LARP1B: variants seen among roughly 807,000 people sequenced by gnomAD.
LARP1B encodes the protein la-related protein 1B.
LARP1B carries 76 observed loss-of-function variants against 114.2 expected under a neutral mutation model. The ratio of observed to expected loss-of-function variants is 0.67; its 90% CI spans 0.55 to 0.81. The LOEUF (loss-of-function observed/expected upper bound fraction) is 0.81. Among genes scored for constraint, LARP1B ranks in the 30% least tolerant of loss-of-function variants. The pLI is 0.00. For synonymous variants in LARP1B, 345 were observed against 348.0 expected, an observed-to-expected ratio of 0.99 and a Z score of 0.10; for missense variants, 1,014 against 1,075.8, an observed-to-expected ratio of 0.94 and a Z score of 0.80.
At chr4:128,146,531 GGAAAT>G (rs1730423939) in intron 11 of LARP1B, among the ~76,000 whole-genome samples, 1 of 152,026 alleles carries the variant, frequency 6.6e-6, no homozygotes, top group Non-Finnish European at 1.5e-5. Flanking sequence ...CCAAAACAGG[GGAAAT>G]GAAATATATT....
downstream of LARP1B, among the ~76,000 whole-genome samples, chr4:128,214,498 G>GA (rs919328224): frequency 1.4e-4 from 22 of 152,078 alleles, no homozygotes; most frequent in Admixed American, 5.9e-4. Context: ...CCTGACCCCT[G>GA]ACCCCCGAGC....
At chr4:128,147,545 T>C (rs889786452) in intron 11 of LARP1B, among the ~76,000 whole-genome samples, 1 of 152,194 alleles carries the variant, frequency 6.6e-6, no homozygotes, top group African/African-American at 2.4e-5. Flanking sequence ...GAAAGTAGTA[T>C]GGGGTGCTCT....
chr4:128,210,324 T>C lies in LARP1B; in HGVS notation c.*271T>C. On this transcript the variant is annotated 3_prime_UTR_variant, in exon 20 of 20. Transcript: ENST00000326639. ...TTTATAGAGATCTTCTAGTAATGTATTTTGATCTCAGATTTCTTTTTCAAA... is the reference window on the plus strand; with the variant it reads ...TTTATAGAGATCTTCTAGTAATGTACTTTGATCTCAGATTTCTTTTTCAAA... 8.4e-7 allele frequency: 1 copy of C among 1,183,574 alleles called. No homozygotes were observed. The highest frequency in any genetic ancestry group is 1.0e-6 in the Non-Finnish European group (1 of 953,742). 73.3% of individuals were successfully genotyped at this position (1,183,574 alleles called of 1,614,324 possible). A position where few individuals can be genotyped will look rare whatever the true frequency, so the allele number is the denominator to read the frequency against.
At chr4:128,061,981 C>T (rs369029174) in intron 1 of LARP1B, 13 of 985,180 alleles carry the variant, frequency 1.3e-5, no homozygotes, top group East Asian at 1.1e-4. Context: ...CGCGTGGGCC[C>T]GGGGGCCCTT....
Position 128,082,649 on chromosome 4 carries a change from G to T in LARP1B, c.358+344G>T, listed in dbSNP as rs182231770. 1.3e-3 allele frequency among the ~76,000 whole-genome samples: 196 copies of T among 151,400 alleles called. 1 individual carries two copies. The highest frequency in any genetic ancestry group is 4.6e-3 in the African/African-American group (189 of 41,244). On this transcript the variant is annotated intron_variant, in intron 5 of 19. Transcript: ENST00000326639. ...GCTCCATTAATCTGTAACAGTTCTT[G>T]CTTTTGTCTTTCATGACATTGATTT...
At chr4:128,176,287 A>G (rs28633798) in intron 12 of LARP1B, among the ~76,000 whole-genome samples, 2,625 of 54,148 alleles carry the variant, frequency 0.048, 31 homozygotes, top group South Asian at 0.1. Flanking sequence ...GTGTGTGTGT[A>G]TATATATATA....
In LARP1B at chr4:128,119,900, CT is replaced by C. The variant is rs753483342; in HGVS notation, c.1162-1925del. 6.6e-4 allele frequency among the ~76,000 whole-genome samples: 100 copies of C among 152,266 alleles called. 1 individual carries two copies. Among genetic ancestry groups the C allele is most frequent in the Admixed American group, 1.2e-3 (19 of 15,286 alleles). ...TGCAAACTTAAGTCATCTTCAACCC[CT>C]AATCTCTTAATAATGGTCTTTTCCT... On this transcript the variant is annotated intron_variant, in intron 10 of 19. Transcript: ENST00000326639.
At chr4:128,143,585 A>T (rs1031916182) in intron 11 of LARP1B, among the ~76,000 whole-genome samples, 1 of 152,086 alleles carries the variant, frequency 6.6e-6, no homozygotes, top group African/African-American at 2.4e-5. Flanking sequence ...TGACCACTGA[A>T]TTCAGTTTTG....
intron 11 of LARP1B, among the ~76,000 whole-genome samples, chr4:128,129,007 A>C (rs1286102345): frequency 2.0e-5 from 3 of 151,818 alleles, no homozygotes; most frequent in Non-Finnish European, 4.4e-5. Flanking sequence ...TATTAAAAAT[A>C]CAAAAAAATT....
At chr4:128,155,926 G>T (rs372601571) in intron 11 of LARP1B, 5 of 1,540,616 alleles carry the variant, frequency 3.2e-6, no homozygotes, top group South Asian at 1.1e-5. Context: ...AGGAGCCAAG[G>T]AGGGGTACAC....
intron 11 of LARP1B, among the ~76,000 whole-genome samples, chr4:128,148,416 A>G (rs1731259706): frequency 2.0e-5 from 3 of 152,022 alleles, no homozygotes; most frequent in Non-Finnish European, 4.4e-5. Flanking sequence ...AGCCTGGGCA[A>G]CAAGAGTGAA....
intron 19 of LARP1B, 75 bp from the exon 20 acceptor site, chr4:128,209,780 GA>G: frequency 8.1e-7 from 1 of 1,237,062 alleles, no homozygotes; most frequent in Non-Finnish European, 1.2e-6. Context: ...CTTTTTTGGG[GA>G]AAAGTCTAGC....
At chr4:128,123,157 C>G (rs1788539822) in intron 11 of LARP1B, 2 of 985,398 alleles carry the variant, frequency 2.0e-6, no homozygotes, top group Non-Finnish European at 1.2e-6. Flanking sequence ...CTCCTCATTT[C>G]TTTTCTTCCT....
At chr4:128,194,959 T>C (rs1034303445) in intron 15 of LARP1B, among the ~76,000 whole-genome samples, 16 of 152,078 alleles carry the variant, frequency 1.1e-4, no homozygotes, top group African/African-American at 3.9e-4. Context: ...ATATTAATCA[T>C]GGTTATTTTA....
At chr4:128,221,900 G>A (rs148472560) in intron 7 of LARP1B, among the ~76,000 whole-genome samples, 1 of 152,242 alleles carries the variant, frequency 6.6e-6, no homozygotes, top group Non-Finnish European at 1.5e-5. Flanking sequence ...ACCTCATAGT[G>A]TCCTGAAGAA....
chr4:128,207,645 T>C (rs1757957188), intron 19 of LARP1B, among the ~76,000 whole-genome samples: 1 of 152,224 alleles, frequency 6.6e-6, no homozygotes, highest in African/African-American at 2.4e-5. Context: ...AATTAAACAT[T>C]TTCTAGATTT....
In LARP1B at chr4:128,121,994, G is replaced by A. The variant is rs1460779299; in HGVS notation, c.1330G>A (p.Asp444Asn). The change falls in exon 11 of 20, where the codon GAC becomes AAC. Residue 444 changes from aspartate (D) to asparagine (N), a missense_variant. Physicochemically the swap from Asp to Asn is conservative, Grantham distance 23 (BLOSUM62 1). Transcript: ENST00000326639. ...TTCAGATTATGAAATTGATGACCAAGACTTAAACAAGATTTTGATTGTAAC... is the reference window on the plus strand; with the variant it reads ...TTCAGATTATGAAATTGATGACCAAAACTTAAACAAGATTTTGATTGTAAC... The part of the protein sequence containing the change: ...NDSDYEIDDQ[D>N]LNKILIVTQT... 1.2e-6 allele frequency: 2 copies of A among 1,613,196 alleles called. No individual in the cohort carries two copies. Among genetic ancestry groups the A allele is most frequent in the South Asian group, 1.1e-5 (1 of 91,000 alleles).
intron 1 of LARP1B, among the ~76,000 whole-genome samples, chr4:128,065,314 T>TC (rs1491499271): frequency 1.4e-5 from 1 of 73,940 alleles, no homozygotes; most frequent in Non-Finnish European, 3.0e-5. Context: ...TCTTTCTTTC[T>TC]TTCTCTCTCT....
intron 11 of LARP1B, among the ~76,000 whole-genome samples, chr4:128,131,130 A>C (rs940287375): frequency 6.6e-6 from 1 of 152,234 alleles, no homozygotes; most frequent in East Asian, 1.9e-4. Flanking sequence ...CTCAAAACCC[A>C]TAGAAAATGT....
Sources: allele counts gnomAD v4.1 joint callset (sites outside exome capture counted in the v4.1 genomes callset), GRCh38; gene constraint gnomAD v4.1.1; transcripts MANE v1.5; gene names NCBI Gene and HGNC (gene_info 2026-07-23, HGNC 2026-07-21).